KATNIP: variants seen among roughly 807,000 people sequenced by gnomAD.
The protein encoded by KATNIP is katanin-interacting protein.
In KATNIP, 126 loss-of-function variants were observed where a neutral mutation model predicts 174.0. That is an observed-to-expected ratio of 0.72 (90% CI 0.63 to 0.84). KATNIP has a LOEUF of 0.84. KATNIP is among the 40% of genes least tolerant of loss of function. KATNIP has a pLI of 0.00. For synonymous variants in KATNIP, 810 were observed against 835.7 expected (o/e 0.97, Z 0.53); for missense variants, 1,958 against 2,109.7 (o/e 0.93, Z 1.41).
intron 7 of KATNIP, 131 bp downstream of exon 7, chr16:27,678,127 T>G: frequency 9.7e-7 from 1 of 1,027,882 alleles, no homozygotes. Context: ...GGTATATCAG[T>G]CAGGTCTCTG....
chr16:27,772,056 T>C (rs1398593347), intron 22 of KATNIP, among the ~76,000 whole-genome samples: 1 of 152,102 alleles, frequency 6.6e-6, no homozygotes, highest in African/African-American at 2.4e-5. Flanking sequence ...GAGGTTGGAT[T>C]GCTTGGGGCC....
At chr16:27,668,324 T>C (rs1300019077) in intron 6 of KATNIP, among the ~76,000 whole-genome samples, 1 of 152,174 alleles carries the variant, frequency 6.6e-6, no homozygotes, top group East Asian at 1.9e-4. Context: ...GATTGAATTA[T>C]GGGGTGAGTC....
chr16:27,759,788 G>A (rs1001742462), intron 18 of KATNIP, among the ~76,000 whole-genome samples: 9 of 152,324 alleles, frequency 5.9e-5, no homozygotes, highest in Admixed American at 5.9e-4. Flanking sequence ...CCAGAGTCAG[G>A]AGCAGAGAAG....
chr16:27,678,719 A>G (rs1489257426), intron 7 of KATNIP, among the ~76,000 whole-genome samples: 1 of 152,204 alleles, frequency 6.6e-6, no homozygotes, highest in Non-Finnish European at 1.5e-5. Context: ...CAATAGGACT[A>G]AGGGGTGTGG....
At chr16:27,617,142 T>C (rs1481377772) in intron 2 of KATNIP, among the ~76,000 whole-genome samples, 16 of 152,294 alleles carry the variant, frequency 1.1e-4, no homozygotes, top group Middle Eastern at 3.4e-3. Context: ...GGTCAGATTA[T>C]AGTATATTAC....
chr16:27,750,245 G>A lies in KATNIP; in HGVS notation c.3285G>A (p.Leu1095=). The change falls in exon 16 of 28, where the codon CTG becomes CTA. Residue 1095 remains leucine, a synonymous_variant. Coordinates refer to ENST00000261588, the MANE Select transcript of KATNIP (RefSeq NM_015202.5). ...GAGGCGTGAAGGACATCACAATGCT[G>A]TTAGACACCCAGTGCATCTTTGAAG... ...SFRGVKDITM[L]LDTQCIFEGE... The A allele has an allele frequency of 6.2e-7, 1 of 1,614,072 alleles. No homozygotes were observed. The highest frequency in any genetic ancestry group is 1.7e-5 in the Admixed American group (1 of 60,008).
At chr16:27,641,579 G>A (rs996100028) in intron 5 of KATNIP, among the ~76,000 whole-genome samples, 7 of 152,166 alleles carry the variant, frequency 4.6e-5, no homozygotes, top group Non-Finnish European at 5.9e-5. Flanking sequence ...CGAAAACAGG[G>A]TGCTTTTACC....
intron 2 of KATNIP, among the ~76,000 whole-genome samples, chr16:27,606,690 G>A (rs4787978): frequency 0.83 from 125,552 of 151,708 alleles, 52,181 homozygotes; most frequent in East Asian, 1. Flanking sequence ...CCATTCTGCT[G>A]TCTCTATGTT....
chr16:27,615,153 G>A lies in KATNIP; in HGVS notation c.64-3272G>A, dbSNP rs144595507. Among the ~76,000 whole-genome samples, 1,349 of 152,218 alleles carry A rather than the reference G, an allele frequency of 8.9e-3. 14 individuals carry two copies. The highest frequency in any genetic ancestry group is 0.014 in the Non-Finnish European group (937 of 67,986). On this transcript the variant is annotated intron_variant, in intron 2 of 27. Coordinates refer to ENST00000261588, the MANE Select transcript of KATNIP (RefSeq NM_015202.5). Reference sequence around the variant, plus strand: ...GCAAGTAGGACGTTTTTTAGAGACAGGGTCTCACTCTGTTGCCCAGGCTGC... The same window carrying A: ...GCAAGTAGGACGTTTTTTAGAGACAAGGTCTCACTCTGTTGCCCAGGCTGC...
chr16:27,633,422 TA>T (rs1244969622), intron 5 of KATNIP, among the ~76,000 whole-genome samples: 1 of 149,848 alleles, frequency 6.7e-6, no homozygotes, highest in Non-Finnish European at 1.5e-5. Context: ...TTATATAAAA[TA>T]AAAATTTAAA....
intron 6 of KATNIP, among the ~76,000 whole-genome samples, chr16:27,656,844 G>A (rs1005294008): frequency 3.4e-5 from 5 of 149,138 alleles, no homozygotes; most frequent in East Asian, 2.0e-4. Context: ...GCTAGATGAC[G>A]AGCTAGTGGG....
chr16:27,560,582 GTCT>G (rs1472918085), intron 1 of KATNIP, among the ~76,000 whole-genome samples: 22 of 152,264 alleles, frequency 1.4e-4, no homozygotes, highest in African/African-American at 4.6e-4. Context: ...GGAGTACACC[GTCT>G]TCTTTCGCAC....
intron 2 of KATNIP, among the ~76,000 whole-genome samples, chr16:27,579,718 T>G (rs1341530087): frequency 6.6e-6 from 1 of 152,022 alleles, no homozygotes; most frequent in Non-Finnish European, 1.5e-5. Context: ...CGGAAGGCCG[T>G]TTTTGCAGTT....
chr16:27,628,557 T>G, intron 3 of KATNIP, 104 bp from the exon 4 acceptor site: 1 of 1,256,744 alleles, frequency 8.0e-7, no homozygotes, highest in South Asian at 1.4e-5. Flanking sequence ...GGGCTCTGAT[T>G]AGAGACGCTT....
chr16:27,610,846 A>T (rs2075870146), intron 2 of KATNIP, among the ~76,000 whole-genome samples: 1 of 152,184 alleles, frequency 6.6e-6, no homozygotes, highest in Admixed American at 6.5e-5. Context: ...TGCATATCTG[A>T]TTGCCTCCTT....
At chr16:27,695,551 C>G (rs922625781) in intron 8 of KATNIP, among the ~76,000 whole-genome samples, 1 of 152,234 alleles carries the variant, frequency 6.6e-6, no homozygotes, top group African/African-American at 2.4e-5. Flanking sequence ...CATGGTTTTT[C>G]ATGTCAGTTT....
intron 1 of KATNIP, among the ~76,000 whole-genome samples, chr16:27,568,089 AT>A (rs2090155681): frequency 6.6e-6 from 1 of 152,254 alleles, no homozygotes; most frequent in African/African-American, 2.4e-5. Flanking sequence ...ATATATTTTG[AT>A]TTTCCCTTTT....
rs957249993 is a variant in KATNIP, at chr16:27,633,182, G to A, written c.408+2020G>A. ...GAACTCAGTTGTAAGGTTTCTCTGG[G>A]GTCCCCTTGGCCAAGAAGGGGTTCA... On this transcript the variant is annotated intron_variant, in intron 5 of 27. Coordinates refer to ENST00000261588, the MANE Select transcript of KATNIP (RefSeq NM_015202.5). Among the ~76,000 whole-genome samples, 8 of 152,208 alleles carry A rather than the reference G, an allele frequency of 5.3e-5. No homozygotes were observed. In the East Asian group the frequency reaches 1.5e-3, roughly 29 times the overall value.
At chr16:27,628,362 C>T (rs1287803699) in intron 3 of KATNIP, among the ~76,000 whole-genome samples, 1 of 152,224 alleles carries the variant, frequency 6.6e-6, no homozygotes, top group Admixed American at 6.5e-5. Context: ...CTCCTCTCTG[C>T]CTTGGCCAGC....
Sources: gnomAD v4.1 joint callset for allele counts (sites outside exome capture counted in the v4.1 genomes callset) on GRCh38, gnomAD v4.1.1 for gene constraint, MANE v1.5 for transcripts, NCBI Gene and HGNC (gene_info 2026-07-23, HGNC 2026-07-21) for gene names.